The following LRTM3 variants were observed in gnomAD, a reference collection of about 807,000 sequenced individuals.
LRTM3 encodes leucine-rich repeat transmembrane protein 3.
the LRTM3 span, chr13:102,740,480 A>G: frequency 6.5e-7 from 1 of 1,550,096 alleles, no homozygotes; most frequent in Non-Finnish European, 8.7e-7. Context: ...AGGGCAAGAT[A>G]TATGCTCCCA....
At chr13:102,756,095 GGC>G in the LRTM3 span, among the ~76,000 whole-genome samples, 4 of 151,000 alleles carry the variant, frequency 2.6e-5, no homozygotes, top group East Asian at 5.9e-4. Context: ...TGGGATTACA[GGC>G]GCATGCCACC....
the LRTM3 span, chr13:102,743,207 C>A: frequency 2.6e-6 from 4 of 1,550,638 alleles, no homozygotes; most frequent in Admixed American, 2.0e-5. Context: ...GTTGGAAGTT[C>A]TTCTCTTGTC....
chr13:102,741,252 C>T, the LRTM3 span: 1 of 1,550,248 alleles, frequency 6.5e-7, no homozygotes, highest in East Asian at 2.4e-5. Context: ...CAAAGATTTT[C>T]ATTGAAACTT....
At chr13:102,730,622 T>C in the LRTM3 span, 1 of 1,552,140 alleles carries the variant, frequency 6.4e-7, no homozygotes, top group Non-Finnish European at 8.7e-7. Context: ...CTGTGGGAAT[T>C]TTCTGATGAG....
chr13:102,744,857 G>T, the LRTM3 span: 2 of 1,550,436 alleles, frequency 1.3e-6, no homozygotes, highest in East Asian at 2.4e-5. Flanking sequence ...CAGGACAGTT[G>T]CTTGTAGATC....
At chr13:102,748,916 A>G in the LRTM3 span, 15 of 1,550,534 alleles carry the variant, frequency 9.7e-6, no homozygotes, top group Admixed American at 2.4e-4. Flanking sequence ...TGTCTCCTCA[A>G]GAGGACCTGC....
At chr13:102,744,622 C>G in the LRTM3 span, 1 of 1,550,770 alleles carries the variant, frequency 6.4e-7, no homozygotes, top group East Asian at 2.4e-5. Flanking sequence ...CTTCGGGACT[C>G]TTCGGTTCAG....
At chr13:102,745,935 C>T in the LRTM3 span, 1 of 1,551,166 alleles carries the variant, frequency 6.4e-7, no homozygotes, top group Non-Finnish European at 8.7e-7. Context: ...TTCAGTTCCT[C>T]ATCTGATTTG....
chr13:102,748,568 T>C, the LRTM3 span: 1 of 1,550,866 alleles, frequency 6.4e-7, no homozygotes, highest in South Asian at 1.2e-5. Context: ...CATTCTATTG[T>C]TCGATTCCAT....
At chr13:102,738,298 A>G in the LRTM3 span, 1 of 1,550,790 alleles carries the variant, frequency 6.4e-7, no homozygotes, top group South Asian at 1.2e-5. Context: ...TGGCCACTCC[A>G]TCTGCTTTTT....
chr13:102,745,424 G>C, the LRTM3 span: 1 of 1,550,822 alleles, frequency 6.4e-7, no homozygotes, highest in Non-Finnish European at 8.7e-7. Context: ...AGTCAGGAAA[G>C]CATATGTTTC....
the LRTM3 span, chr13:102,732,686 C>G: frequency 6.4e-7 from 1 of 1,551,232 alleles, no homozygotes; most frequent in Non-Finnish European, 8.7e-7. Flanking sequence ...GTGTGCACTA[C>G]TGCTTGTGTC....
At chr13:102,750,442 G>T in the LRTM3 span, 3 of 1,013,894 alleles carry the variant, frequency 3.0e-6, no homozygotes, top group Non-Finnish European at 4.2e-6. Context: ...TTTCGTATAA[G>T]AATTACCTTT....
the LRTM3 span, chr13:102,744,511 T>G: frequency 1.3e-6 from 2 of 1,550,524 alleles, no homozygotes; most frequent in African/African-American, 1.4e-5. Flanking sequence ...TATGAGGACT[T>G]TGTTTCATCA....
chr13:102,729,653 A>G, the LRTM3 span: 1 of 1,550,850 alleles, frequency 6.4e-7, no homozygotes. Context: ...GGCAAAAAAA[A>G]AGGGCCGGTT....
chr13:102,729,760 A>C, the LRTM3 span: 1 of 1,551,846 alleles, frequency 6.4e-7, no homozygotes, highest in Admixed American at 2.0e-5. Flanking sequence ...CTGACTCATA[A>C]TCATACACTC....
chr13:102,731,146 A>T, the LRTM3 span: 1 of 1,551,402 alleles, frequency 6.4e-7, no homozygotes. Context: ...TTTCTAGCTT[A>T]TTAATACTCT....
At chr13:102,746,693 G>A in the LRTM3 span, 4 of 1,551,016 alleles carry the variant, frequency 2.6e-6, no homozygotes, top group Non-Finnish European at 3.5e-6. Flanking sequence ...ATAATTGAAA[G>A]TCTCTGGCGA....
the LRTM3 span, chr13:102,739,818 A>G: frequency 6.5e-7 from 1 of 1,549,544 alleles, no homozygotes; most frequent in Non-Finnish European, 8.7e-7. Context: ...ATAGACTCAC[A>G]TATTTTTGCT....
Sources: gnomAD v4.1 joint callset for allele counts (sites outside exome capture counted in the v4.1 genomes callset) on GRCh38, gnomAD v4.1.1 for gene constraint, MANE v1.5 for transcripts, NCBI Gene and HGNC (gene_info 2026-07-23, HGNC 2026-07-21) for gene names.